The following KAZN variants were observed in gnomAD, a reference collection of about 807,000 sequenced individuals.
The protein encoded by KAZN is kazrin.
Under a neutral mutation model 87.4 loss-of-function variants are expected in KAZN, and 40 were observed. The ratio of observed to expected loss-of-function variants is 0.46; its 90% CI spans 0.36 to 0.60. KAZN has a LOEUF of 0.60. KAZN is among the 20% of genes least tolerant of loss of function. The probability of loss-of-function intolerance (pLI) is 0.00; values close to 1 mark genes in which losing one functional copy is unlikely to be tolerated. For missense variants in KAZN, 898 were observed against 1,073.9 expected, an observed-to-expected ratio of 0.84 and a Z score of 2.29; for synonymous variants, 466 against 458.3, an observed-to-expected ratio of 1.02 and a Z score of -0.22.
chr1:14,366,615 G>A (rs948020822), intron 2 of KAZN, among the ~76,000 whole-genome samples: 7 of 152,202 alleles, frequency 4.6e-5, no homozygotes, highest in Non-Finnish European at 5.9e-5. Context: ...TGCAGGAGCC[G>A]TGGGCGAGCA....
At chr1:14,286,904 C>T (rs531364550) in intron 2 of KAZN, among the ~76,000 whole-genome samples, 10 of 152,262 alleles carry the variant, frequency 6.6e-5, no homozygotes, top group Admixed American at 6.5e-4. Context: ...GTAAACTGTG[C>T]TAATGAAATT....
At chr1:14,643,679 A>G (rs1680580530) in intron 1 of KAZN, among the ~76,000 whole-genome samples, 1 of 152,220 alleles carries the variant, frequency 6.6e-6, no homozygotes, top group Non-Finnish European at 1.5e-5. Context: ...CTCTGGGTAT[A>G]TACCCAGTAG....
chr1:14,572,141 G>T (rs1412236504), intron 2 of KAZN, among the ~76,000 whole-genome samples: 1 of 152,194 alleles, frequency 6.6e-6, no homozygotes, highest in South Asian at 2.1e-4. Flanking sequence ...CATTTAATGG[G>T]TAGGTGGGAA....
At position 13,940,283 on chromosome 1, in the gene KAZN, ATT is replaced by A. The variant is rs35052658; in HGVS notation, c.91+46538_91+46539del. 4.0e-3 allele frequency among the ~76,000 whole-genome samples: 604 copies of A among 149,446 alleles called. 1 individual carries two copies. The highest frequency in any genetic ancestry group is 0.013 in the African/African-American group (522 of 40,774). On this transcript the variant is annotated intron_variant, in intron 1 of 16. Transcript: ENST00000636203. ...CTCCTGGGAGTTTTTCTGTTGGGAG[ATT>A]TTTTTTTTTTGATTACTGATTTAAT...
At chr1:14,493,726 G>A (rs1466093227) in intron 2 of KAZN, among the ~76,000 whole-genome samples, 1 of 152,032 alleles carries the variant, frequency 6.6e-6, no homozygotes, top group Non-Finnish European at 1.5e-5. Context: ...ATATTCTTAT[G>A]TCTGATTTCA....
At chr1:14,261,743 G>C (rs760501845) in intron 2 of KAZN, among the ~76,000 whole-genome samples, 14 of 152,200 alleles carry the variant, frequency 9.2e-5, no homozygotes, top group Non-Finnish European at 1.6e-4. Flanking sequence ...TGGCTTAAGA[G>C]TTTCCTGTGA....
chr1:14,294,096 A>C (rs754454692), intron 2 of KAZN, among the ~76,000 whole-genome samples: 3 of 152,200 alleles, frequency 2.0e-5, no homozygotes, highest in Non-Finnish European at 4.4e-5. Context: ...ACCAAAGCTC[A>C]GAGAGATGAG....
intron 2 of KAZN, among the ~76,000 whole-genome samples, chr1:14,406,405 T>C (rs1051549226): frequency 1.5e-4 from 23 of 152,030 alleles, no homozygotes; most frequent in Admixed American, 3.9e-4. Flanking sequence ...CTGGATGAGA[T>C]TGGAGACTAT....
At chr1:14,971,956 C>T (rs775041767) in intron 2 of KAZN, among the ~76,000 whole-genome samples, 2 of 152,140 alleles carry the variant, frequency 1.3e-5, no homozygotes, top group African/African-American at 4.8e-5. Flanking sequence ...CTCCAGCCCC[C>T]GGAAATGCCA....
chr1:14,606,418 A>AG (rs1677362248), intron 1 of KAZN, among the ~76,000 whole-genome samples: 1 of 152,126 alleles, frequency 6.6e-6, no homozygotes, highest in African/African-American at 2.4e-5. Context: ...ACTGACAAAG[A>AG]AGGGACTGGA....
rs113789816 is a variant in KAZN, at chr1:15,033,454, C to T, written c.419-1295C>T. ...ATGCCTAGGAGTAGAATCGCAGGGTCGTATGGTAAGTTGATGCTTAATCTT... is the reference window on the plus strand; with the variant it reads ...ATGCCTAGGAGTAGAATCGCAGGGTTGTATGGTAAGTTGATGCTTAATCTT... On this transcript the variant is annotated intron_variant, in intron 2 of 14. Coordinates refer to ENST00000376030, the MANE Select transcript of KAZN (RefSeq NM_201628.3). Among the ~76,000 whole-genome samples, 294 of 152,230 alleles carry T rather than the reference C, an allele frequency of 1.9e-3. 3 individuals are homozygous for T. Among genetic ancestry groups the T allele is most frequent in the African/African-American group, 5.5e-3 (228 of 41,526 alleles).
intron 2 of KAZN, among the ~76,000 whole-genome samples, chr1:14,535,551 A>C (rs1428554545): frequency 6.6e-6 from 1 of 152,168 alleles, no homozygotes; most frequent in Admixed American, 6.5e-5. Context: ...CTGTAATCCC[A>C]GCTCCTCGGG....
intron 2 of KAZN, among the ~76,000 whole-genome samples, chr1:14,182,806 CA>C (rs1379235270): frequency 6.6e-6 from 1 of 152,182 alleles, no homozygotes; most frequent in East Asian, 1.9e-4. Flanking sequence ...TACTCATTTT[CA>C]TACACTAAGT....
At chr1:14,276,971 G>A (rs1022850830) in intron 2 of KAZN, among the ~76,000 whole-genome samples, 17 of 152,070 alleles carry the variant, frequency 1.1e-4, no homozygotes, top group African/African-American at 3.6e-4. Flanking sequence ...ATCAAGATTG[G>A]CCTGTAATTT....
At chr1:13,936,276 A>G (rs1001757603) in intron 1 of KAZN, among the ~76,000 whole-genome samples, 1 of 148,698 alleles carries the variant, frequency 6.7e-6, no homozygotes, top group Non-Finnish European at 1.5e-5. Context: ...TTTTTTTTGT[A>G]TATTTAGTAG....
intron 2 of KAZN, among the ~76,000 whole-genome samples, chr1:14,487,166 A>G (rs2148401805): frequency 6.6e-6 from 1 of 152,340 alleles, no homozygotes; most frequent in East Asian, 1.9e-4. Flanking sequence ...GTCCAACACC[A>G]GCATGAGTGC....
intron 2 of KAZN, among the ~76,000 whole-genome samples, chr1:14,229,065 A>G (rs1309055941): frequency 1.3e-5 from 2 of 152,248 alleles, no homozygotes; most frequent in South Asian, 2.1e-4. Context: ...CTGTGTATCT[A>G]CTAATGAGGT....
rs1348930688 is a variant in KAZN at position 14,356,803 on chromosome 1, GT to G, written c.249+176212del. On this transcript the variant is annotated intron_variant, in intron 2 of 16. Transcript: ENST00000636203. ...GGTCTATATATCTGTTTGGGTACTG[GT>G]ACCATGCTGTTTTGGTTACTGTAGC... Among the ~76,000 whole-genome samples the G allele has an allele frequency of 2.0e-5, 3 of 152,212 alleles. No homozygotes were observed. The East Asian group carries it at 5.8e-4, about 29-fold the overall frequency.
intron 1 of KAZN, among the ~76,000 whole-genome samples, chr1:13,960,257 G>A (rs187067143): frequency 1.3e-5 from 2 of 152,286 alleles, no homozygotes; most frequent in Non-Finnish European, 2.9e-5. Context: ...CTACAAGGAC[G>A]GCACTATCAT....
Sources: gnomAD v4.1 joint callset for allele counts (sites outside exome capture counted in the v4.1 genomes callset) on GRCh38, gnomAD v4.1.1 for gene constraint, MANE v1.5 for transcripts, NCBI Gene and HGNC (gene_info 2026-07-23, HGNC 2026-07-21) for gene names.